ACCSL: variants seen among roughly 807,000 people sequenced by gnomAD.
ACCSL encodes the protein 1-aminocyclopropane-1-carboxylate synthase homolog (inactive) like.
Under a neutral mutation model 61.7 loss-of-function variants are expected in ACCSL, and 55 were observed. That is an observed-to-expected ratio of 0.89 (90% confidence interval 0.72 to 1.12). The LOEUF is 1.12. Ranked by LOEUF, ACCSL falls within the 50% of genes most tolerant of loss-of-function variation. ACCSL has a pLI of 0.00. For missense variants in ACCSL, 632 were observed against 698.0 expected (o/e 0.91, Z 1.07); for synonymous variants, 258 against 264.3 (o/e 0.98, Z 0.23).
At chr11:44,023,109 C>T in the ACCSL span, among the ~76,000 whole-genome samples, 1 of 145,386 alleles carries the variant, frequency 6.9e-6, no homozygotes, top group Non-Finnish European at 1.5e-5. Context: ...TGCAGTGGCA[C>T]CATCATGGCT....
the ACCSL span, among the ~76,000 whole-genome samples, chr11:44,024,616 A>G: frequency 6.6e-6 from 1 of 152,154 alleles, no homozygotes; most frequent in African/African-American, 2.4e-5. Flanking sequence ...CATATGGTCT[A>G]TCCTGGAGAA....
the ACCSL span, among the ~76,000 whole-genome samples, chr11:44,040,997 A>T: frequency 6.6e-6 from 1 of 152,180 alleles, no homozygotes; most frequent in South Asian, 2.1e-4. Flanking sequence ...CTCACCTGTA[A>T]AGTGAGTCTA....
the ACCSL span, among the ~76,000 whole-genome samples, chr11:44,026,259 C>T: frequency 6.6e-6 from 1 of 152,118 alleles, no homozygotes; most frequent in Non-Finnish European, 1.5e-5. Context: ...CTCAATTGAT[C>T]TATCTTCAAG....
chr11:43,953,279 C>T, the ACCSL span, among the ~76,000 whole-genome samples: 2 of 151,970 alleles, frequency 1.3e-5, no homozygotes, highest in Non-Finnish European at 2.9e-5. Flanking sequence ...CTTTGGGATG[C>T]CAAGGTGGAT....
At chr11:44,018,163 A>C in the ACCSL span, among the ~76,000 whole-genome samples, 1 of 152,054 alleles carries the variant, frequency 6.6e-6, no homozygotes, top group Non-Finnish European at 1.5e-5. Context: ...GGAACTTCAC[A>C]GTGGATAGAC....
At chr11:43,945,928 C>T in the ACCSL span, among the ~76,000 whole-genome samples, 1 of 152,166 alleles carries the variant, frequency 6.6e-6, no homozygotes, top group African/African-American at 2.4e-5. Context: ...TTGGGTTACC[C>T]CAGCCAACAA....
chr11:44,051,638 A>G lies in ACCSL; in HGVS notation c.706-15A>G. On this transcript the variant is annotated splice_polypyrimidine_tract_variant and intron_variant, in intron 4 of 13. Transcript: ENST00000378832. The stretch of plus-strand genomic sequence containing the variant: ...GTATTGGTTTTGACTTCTGCCTCTC[A>G]TGTGTTGTCTTCAGGTGGTGGTTCT... The G allele has an allele frequency of 6.2e-7, 1 of 1,614,034 alleles. No individual in the cohort carries two copies. The highest frequency in any genetic ancestry group is 2.2e-5 in the East Asian group (1 of 44,874).
the ACCSL span, among the ~76,000 whole-genome samples, chr11:44,032,388 A>G: frequency 2.0e-5 from 3 of 152,204 alleles, no homozygotes; most frequent in Non-Finnish European, 4.4e-5. Context: ...AGCACGTCAC[A>G]TGGCCAAATC....
the ACCSL span, among the ~76,000 whole-genome samples, chr11:44,007,268 AT>A: frequency 6.6e-6 from 1 of 152,244 alleles, no homozygotes; most frequent in Admixed American, 6.5e-5. Context: ...TGGGGACTGA[AT>A]TTTATTTGAA....
chr11:43,934,217 C>A, the ACCSL span, among the ~76,000 whole-genome samples: 1 of 152,188 alleles, frequency 6.6e-6, no homozygotes, highest in Non-Finnish European at 1.5e-5. Context: ...ATTATCGAAA[C>A]ACTTTTATGC....
At chr11:43,969,452 AT>A in the ACCSL span, among the ~76,000 whole-genome samples, 1 of 152,158 alleles carries the variant, frequency 6.6e-6, no homozygotes, top group South Asian at 2.1e-4. Flanking sequence ...TATCTCAAAA[AT>A]TTTTTACGAA....
chr11:44,049,551 T>C (rs1462388022), intron 1 of ACCSL, among the ~76,000 whole-genome samples: 1 of 151,520 alleles, frequency 6.6e-6, no homozygotes, highest in African/African-American at 2.4e-5. Context: ...AGCTATACCT[T>C]CCCCTTCTGT....
chr11:43,934,035 C>G, the ACCSL span, among the ~76,000 whole-genome samples: 1 of 151,868 alleles, frequency 6.6e-6, no homozygotes, highest in Non-Finnish European at 1.5e-5. Flanking sequence ...GATGAGGGGG[C>G]TGTCACTGGG....
the ACCSL span, among the ~76,000 whole-genome samples, chr11:43,936,746 A>G: frequency 1.3e-5 from 2 of 149,508 alleles, no homozygotes; most frequent in African/African-American, 4.9e-5. Flanking sequence ...TAAAAAGGCA[A>G]CGGCGGGGAG....
chr11:44,055,959 A>C, intron 9 of ACCSL, 81 bp from the exon 10 acceptor site: 2 of 1,549,600 alleles, frequency 1.3e-6, no homozygotes, highest in Non-Finnish European at 1.8e-6. Flanking sequence ...CCAACCTCAA[A>C]TCTACTTTCC....
chr11:43,953,281 A>C, the ACCSL span, among the ~76,000 whole-genome samples: 1 of 152,036 alleles, frequency 6.6e-6, no homozygotes, highest in Admixed American at 6.6e-5. Flanking sequence ...TTGGGATGCC[A>C]AGGTGGATGG....
chr11:43,948,368 G>A, the ACCSL span, among the ~76,000 whole-genome samples: 2 of 152,198 alleles, frequency 1.3e-5, no homozygotes, highest in East Asian at 1.9e-4. Flanking sequence ...TCCTGATAAA[G>A]TTTCTCAGGC....
At chr11:44,014,112 G>C in the ACCSL span, among the ~76,000 whole-genome samples, 1 of 152,218 alleles carries the variant, frequency 6.6e-6, no homozygotes, top group East Asian at 1.9e-4. Flanking sequence ...TTGGGGGCAG[G>C]TGCCAGTTAT....
the ACCSL span, among the ~76,000 whole-genome samples, chr11:43,952,456 G>A: frequency 6.6e-6 from 1 of 152,288 alleles, no homozygotes; most frequent in South Asian, 2.1e-4. Context: ...AGGCAGCCCG[G>A]TGCTGCACCC....
Sources: allele counts gnomAD v4.1 joint callset (sites outside exome capture counted in the v4.1 genomes callset), GRCh38; gene constraint gnomAD v4.1.1; transcripts MANE v1.5; gene names NCBI Gene and HGNC (gene_info 2026-07-23, HGNC 2026-07-21).